The following CENPC variants were observed in gnomAD, a reference collection of about 807,000 sequenced individuals.
CENPC encodes centromere protein C.
Under a neutral mutation model 112.1 loss-of-function variants are expected in CENPC, and 63 were observed. That is an observed-to-expected ratio of 0.56 (90% CI 0.46 to 0.69). The LOEUF (loss-of-function observed/expected upper bound fraction) is 0.69. Ranked by LOEUF, CENPC falls within the 30% of genes least tolerant of loss-of-function variation. The pLI, the probability that CENPC is intolerant of heterozygous loss-of-function variation, is 0.00. For missense variants in CENPC, 1,000 were observed against 1,103.8 expected, an observed-to-expected ratio of 0.91 and a Z score of 1.33; for synonymous variants, 333 against 367.6, an observed-to-expected ratio of 0.91 and a Z score of 1.08.
intron 16 of CENPC, among the ~76,000 whole-genome samples, chr4:67,490,984 A>G (rs1046150915): frequency 4.1e-4 from 62 of 150,136 alleles, no homozygotes; most frequent in Admixed American, 2.3e-3. Flanking sequence ...AGAGTACAGC[A>G]ATGCTTTCAG....
rs146500743 is a variant in CENPC at position 67,478,666 on chromosome 4, A to ACACACC, written c.2671-3689_2671-3688insGGTGTG. On this transcript the variant is annotated intron_variant, in intron 17 of 18. Transcript: ENST00000273853. ...CACACACACACACACACACACACACACCCAAAGTATTCAGGCAACAACTAG... is the reference window on the plus strand; with the variant it reads ...CACACACACACACACACACACACACACACACCCCCAAAGTATTCAGGCAACAACTAG... Among the ~76,000 whole-genome samples, 148 of 76,638 alleles carry ACACACC rather than the reference A, an allele frequency of 1.9e-3. 8 individuals are homozygous for ACACACC. The highest frequency in any genetic ancestry group is 3.3e-3 in the African/African-American group (87 of 26,006). The allele number at this position is 76,638 out of a possible 152,430, so 50.3% of individuals were successfully genotyped here.
intron 8 of CENPC, among the ~76,000 whole-genome samples, chr4:67,513,373 T>C (rs144865143): frequency 2.5e-3 from 387 of 152,316 alleles, no homozygotes; most frequent in African/African-American, 8.9e-3. Context: ...TAATGAGCAT[T>C]ATATTCACTA....
chr4:67,513,059 G>A (rs960454717), intron 8 of CENPC, among the ~76,000 whole-genome samples: 3 of 152,148 alleles, frequency 2.0e-5, no homozygotes, highest in Admixed American at 6.6e-5. Flanking sequence ...TGAGATGATG[G>A]AAGAAGAGGC....
At chr4:67,532,351 G>T (rs558178428) in intron 4 of CENPC, among the ~76,000 whole-genome samples, 10 of 152,142 alleles carry the variant, frequency 6.6e-5, no homozygotes, top group Non-Finnish European at 1.5e-4. Context: ...ATTGCTCAGG[G>T]ATCTAGAACT....
chr4:67,542,853 A>G (rs1726925269), intron 2 of CENPC, among the ~76,000 whole-genome samples: 1 of 152,194 alleles, frequency 6.6e-6, no homozygotes, highest in Non-Finnish European at 1.5e-5. Flanking sequence ...TCCTGCTATT[A>G]CCTGTTTCAA....
chr4:67,476,060 C>T (rs372275389), intron 17 of CENPC, among the ~76,000 whole-genome samples: 13 of 152,188 alleles, frequency 8.5e-5, no homozygotes, highest in African/African-American at 2.7e-4. Context: ...AAAAGCATTA[C>T]TCACATGTTT....
intron 15 of CENPC, 138 bp downstream of exon 15, chr4:67,492,731 C>T (rs1239845789): frequency 2.4e-6 from 3 of 1,249,176 alleles, no homozygotes; most frequent in Non-Finnish European, 3.2e-6. Flanking sequence ...AGAAAGTAGA[C>T]ATTAAAAAAT....
chr4:67,492,169 C>T lies in CENPC; in HGVS notation c.2515+11G>A, dbSNP rs765021289. On this transcript the variant is annotated intron_variant, in intron 16 of 18. Coordinates refer to ENST00000273853, the MANE Select transcript of CENPC (RefSeq NM_001812.4). ...TTAATTAAGTATTTTCAGTATCATGCCTGATCTTACCCATGAGAATAATCT... is the reference window on the plus strand; with the variant it reads ...TTAATTAAGTATTTTCAGTATCATGTCTGATCTTACCCATGAGAATAATCT... 8 of 1,511,402 alleles carry T rather than the reference C, an allele frequency of 5.3e-6. No homozygotes were observed. Among genetic ancestry groups the T allele is most frequent in the South Asian group, 4.9e-5 (4 of 81,952 alleles). 93.6% of individuals were successfully genotyped at this position (1,511,402 alleles called of 1,614,324 possible).
At chr4:67,476,198 T>C (rs1464338162) in intron 17 of CENPC, among the ~76,000 whole-genome samples, 1 of 152,226 alleles carries the variant, frequency 6.6e-6, no homozygotes. Context: ...CAGAACAGCA[T>C]GTGGAAACTC....
intron 17 of CENPC, among the ~76,000 whole-genome samples, chr4:67,486,483 G>A (rs765154263): frequency 2.0e-5 from 3 of 152,144 alleles, no homozygotes; most frequent in Non-Finnish European, 4.4e-5. Flanking sequence ...TCAGGATCCA[G>A]GTTAGCACCA....
chr4:67,530,417 C>G (rs75641379), intron 5 of CENPC, among the ~76,000 whole-genome samples: 2,139 of 151,330 alleles, frequency 0.014, 34 homozygotes, highest in South Asian at 0.031. Context: ...CACATACAAA[C>G]ACACATGCTT....
chr4:67,499,587 C>T (rs1725534926), intron 12 of CENPC, among the ~76,000 whole-genome samples: 1 of 152,204 alleles, frequency 6.6e-6, no homozygotes, highest in South Asian at 2.1e-4. Context: ...TAGGCTTTGG[C>T]TTAAAGGAAT....
intron 5 of CENPC, among the ~76,000 whole-genome samples, chr4:67,523,228 G>A (rs1158612704): frequency 1.3e-5 from 2 of 152,122 alleles, no homozygotes; most frequent in Non-Finnish European, 2.9e-5. Flanking sequence ...CAGGAGAATT[G>A]CTTGAACCCT....
intron 17 of CENPC, among the ~76,000 whole-genome samples, chr4:67,480,739 C>G (rs1113364): frequency 6.3e-4 from 96 of 152,152 alleles, no homozygotes; most frequent in Non-Finnish European, 1.3e-3. Context: ...TTGCCAAAAT[C>G]CGGCATTGCT....
At chr4:67,521,075 C>T (rs894581635) in intron 5 of CENPC, among the ~76,000 whole-genome samples, 2 of 150,788 alleles carry the variant, frequency 1.3e-5, no homozygotes, top group African/African-American at 2.4e-5. Context: ...AGAACCTATA[C>T]ATTAAACCAA....
intron 16 of CENPC, 83 bp downstream of exon 16, chr4:67,492,097 A>G (rs576063759): frequency 4.4e-5 from 40 of 912,868 alleles, no homozygotes; most frequent in African/African-American, 3.8e-4. Flanking sequence ...AGAAAGGGAA[A>G]GTAGACAGGC....
intron 8 of CENPC, among the ~76,000 whole-genome samples, chr4:67,512,964 A>G (rs1725938905): frequency 6.6e-6 from 1 of 152,200 alleles, no homozygotes; most frequent in Non-Finnish European, 1.5e-5. Context: ...ATTAAATTAT[A>G]AACTCTGAAA....
intron 17 of CENPC, among the ~76,000 whole-genome samples, chr4:67,484,658 C>T (rs879848563): frequency 6.6e-6 from 1 of 152,228 alleles, no homozygotes; most frequent in Admixed American, 6.5e-5. Flanking sequence ...TTTCACAAAC[C>T]AGTCCTTGGT....
intron 9 of CENPC, 38 bp from the exon 10 acceptor site, chr4:67,509,143 G>A (rs368403874): frequency 1.3e-6 from 2 of 1,518,530 alleles, no homozygotes; most frequent in African/African-American, 2.8e-5. Context: ...TAGTAAGTTT[G>A]TCCAGATGAT....
Sources: gnomAD v4.1 joint callset for allele counts (sites outside exome capture counted in the v4.1 genomes callset) on GRCh38, gnomAD v4.1.1 for gene constraint, MANE v1.5 for transcripts, NCBI Gene and HGNC (gene_info 2026-07-23, HGNC 2026-07-21) for gene names.